IFFO2: variants seen among roughly 807,000 people sequenced by gnomAD.
The protein encoded by IFFO2 is intermediate filament family orphan 2.
Under a neutral mutation model 53.5 loss-of-function variants are expected in IFFO2, and 19 were observed. The observed-to-expected ratio is 0.36, with a 90% confidence interval of 0.25 to 0.52. The LOEUF (loss-of-function observed/expected upper bound fraction) is 0.52. Ranked by LOEUF, IFFO2 falls within the 20% of genes least tolerant of loss-of-function variation. The pLI, the probability that IFFO2 is intolerant of heterozygous loss-of-function variation, is 0.94. For synonymous variants in IFFO2, 303 were observed against 313.6 expected, an observed-to-expected ratio of 0.97 and a Z score of 0.36; for missense variants, 570 against 727.4, an observed-to-expected ratio of 0.78 and a Z score of 2.49.
At position 18,955,712 on chromosome 1, in the gene IFFO2, G is replaced by A; in HGVS notation, c.621C>T (p.Asn207=). 6.3e-7 allele frequency: 1 copy of A among 1,596,144 alleles called. No individual in the cohort carries two copies. Among genetic ancestry groups the A allele is most frequent in the Non-Finnish European group, 8.5e-7 (1 of 1,174,160 alleles). ...GCTCGCGCTTCACCTTGGCCAGCAC[G>A]TTGTAGAGCGCGCGGATCTCCGGCG... The part of the protein sequence containing the change: ...TITPEIRALY[N]VLAKVKRERD... The change falls in exon 1 of 9, where the codon AAC becomes AAT. Residue 207 remains asparagine, a synonymous_variant. Coordinates refer to ENST00000455833, the MANE Select transcript of IFFO2 (RefSeq NM_001136265.2).
Position 18,917,421 on chromosome 1 carries a change from C to T in IFFO2, c.964-379G>A, listed in dbSNP as rs940549761. ...TGGAGAACCCCTGACAAAGGCTATA[C>T]GGCCCCATGCTGACCAGAGCCCTCC... On this transcript the variant is annotated intron_variant, in intron 4 of 8. Coordinates refer to ENST00000455833, the MANE Select transcript of IFFO2 (RefSeq NM_001136265.2). This position sits in a 1 kb window ranked among gnomAD's most constrained non-coding sequence, Gnocchi z 5.9. 3.3e-5 allele frequency among the ~76,000 whole-genome samples: 5 copies of T among 152,178 alleles called. No homozygotes were observed. Among genetic ancestry groups the T allele is most frequent in the African/African-American group, 7.2e-5 (3 of 41,446 alleles).
In IFFO2 at chr1:18,956,003, C is replaced by T. The variant is rs1297801506; in HGVS notation, c.330G>A (p.Gly110=). The T allele has an allele frequency of 3.3e-5, 46 of 1,394,062 alleles. No homozygotes were observed. The highest frequency in any genetic ancestry group is 4.2e-5 in the Non-Finnish European group (44 of 1,058,364). The allele number at this position is 1,394,062 out of a possible 1,614,324, so 86.4% of individuals were successfully genotyped here. Residue 110 remains glycine, a synonymous_variant, in exon 1 of 9, where the codon GGG becomes GGA. Coordinates refer to ENST00000455833, the MANE Select transcript of IFFO2 (RefSeq NM_001136265.2). This position sits in a 1 kb window ranked among gnomAD's most constrained non-coding sequence, Gnocchi z 6.4. ...GCGCCGGGGGCCGCAGCAACTCGGG[C>T]CCGGTCTGCACGGCCTGCTCGCGGG... The part of the protein sequence containing the change: ...TFSREQAVQT[G]PELLRPPAPG...
In IFFO2 at chr1:18,906,381, T is replaced by A. The variant is rs1935948661; in HGVS notation, c.*2180A>T. ...AACACTGCTGCCTTACAGTCTTAAG[T>A]CTAAAGATATATCTGTCACCCTCCC... On this transcript the variant is annotated 3_prime_UTR_variant, in exon 9 of 9. Coordinates refer to ENST00000455833, the MANE Select transcript of IFFO2 (RefSeq NM_001136265.2). The A allele has an allele frequency of 6.6e-6, 1 of 152,194 alleles. No homozygotes were observed. Among genetic ancestry groups the A allele is most frequent in the African/African-American group, 2.4e-5 (1 of 41,428 alleles). 9.4% of individuals were successfully genotyped at this position (152,194 alleles called of 1,614,324 possible).
chr1:18,955,843 A>C lies in IFFO2; in HGVS notation c.490T>G (p.Tyr164Asp). ...YGRLPGTIWS[Y>D]TQVRRTGGGG... Reference sequence around the variant, plus strand: ...CCGCCCGTGCGCCGCACCTGCGTGTAGCTCCAGATGGTCCCGGGCAGGCGG... The same window carrying C: ...CCGCCCGTGCGCCGCACCTGCGTGTCGCTCCAGATGGTCCCGGGCAGGCGG... The change falls in exon 1 of 9, where the codon TAC (tyrosine) becomes GAC (aspartate). Residue 164 changes from tyrosine (Y) to aspartate (D), a missense_variant. Tyr to Asp is a radical substitution (Grantham distance 160). Transcript: ENST00000455833. The C allele has an allele frequency of 6.6e-7, 1 of 1,505,682 alleles. No individual in the cohort carries two copies. Among genetic ancestry groups the C allele is most frequent in the South Asian group, 1.2e-5 (1 of 81,058 alleles). 93.3% of individuals were successfully genotyped at this position (1,505,682 alleles called of 1,614,324 possible).
chr1:18,906,925 A>G lies in IFFO2; in HGVS notation c.*1636T>C, dbSNP rs1018437011. 2.0e-5 allele frequency: 3 copies of G among 152,184 alleles called. No individual in the cohort carries two copies. The highest frequency in any genetic ancestry group is 7.2e-5 in the African/African-American group (3 of 41,438). 9.4% of individuals were successfully genotyped at this position (152,184 alleles called of 1,614,324 possible). A position where few individuals can be genotyped will look rare whatever the true frequency, so the allele number is the denominator to read the frequency against. ...TCACGCTCTCTCTCTCTCTCTACAT[A>G]TATCTTTTATGTACAGTATTTTTAA... is the stretch of plus-strand genomic sequence containing the variant. On this transcript the variant is annotated 3_prime_UTR_variant, in exon 9 of 9. Coordinates refer to ENST00000455833, the MANE Select transcript of IFFO2 (RefSeq NM_001136265.2).
intron 1 of IFFO2, among the ~76,000 whole-genome samples, chr1:18,925,884 GA>G: frequency 2.4e-5 from 1 of 41,480 alleles, no homozygotes; most frequent in African/African-American, 1.0e-4. Context: ...TGGATGGATG[GA>G]TGGATGGATT....
At chr1:18,923,099 C>T (rs28689517) in intron 1 of IFFO2, among the ~76,000 whole-genome samples, 16,404 of 152,262 alleles carry the variant, frequency 0.11, 1,189 homozygotes, top group African/African-American at 0.2. Flanking sequence ...GGTGCAAGGG[C>T]GAGCCCCGGC....
rs1936143932 is a variant in IFFO2 at position 18,917,075 on chromosome 1, G to C, written c.964-33C>G. The C allele has an allele frequency of 1.9e-6, 3 of 1,550,622 alleles. No individual in the cohort carries two copies. The highest frequency in any genetic ancestry group is 2.6e-6 in the Non-Finnish European group (3 of 1,146,212). On this transcript the variant is annotated intron_variant, in intron 4 of 8. Coordinates refer to ENST00000455833, the MANE Select transcript of IFFO2 (RefSeq NM_001136265.2). The surrounding 1 kb of genome is among the most constrained non-coding windows in gnomAD (Gnocchi z 5.9). The stretch of plus-strand genomic sequence containing the variant: ...GGAAAGGAAGCAATCAAGGTAACTG[G>C]GGGGCTCGGCTAGGATGGAAGGTAG...
chr1:18,913,127 G>T (rs1936065218), intron 5 of IFFO2, among the ~76,000 whole-genome samples: 1 of 152,236 alleles, frequency 6.6e-6, no homozygotes, highest in Non-Finnish European at 1.5e-5. Flanking sequence ...ATCCTCCAGA[G>T]CAACAATGAG....
Position 18,956,156 on chromosome 1 carries a change from C to T in IFFO2, c.177G>A (p.Gly59=), listed in dbSNP as rs1936723821. 2.0e-6 allele frequency: 3 copies of T among 1,490,592 alleles called. No homozygotes were observed. Among genetic ancestry groups the T allele is most frequent in the South Asian group, 1.2e-5 (1 of 81,716 alleles). 92.3% of individuals were successfully genotyped at this position (1,490,592 alleles called of 1,614,324 possible). A position where few individuals can be genotyped will look rare whatever the true frequency, so the allele number is the denominator to read the frequency against. The part of the protein sequence containing the change: ...DLGSNIHLLK[G]LNVRFRCFLA... ...GGAAGCAGCGGAAGCGCACGTTGAG[C>T]CCCTTCAAGAGGTGGATGTTGGAGC... The change falls in exon 1 of 9, where the codon GGG becomes GGA. Residue 59 remains glycine (G), a synonymous_variant. Transcript: ENST00000455833. The surrounding 1 kb of genome is among the most constrained non-coding windows in gnomAD (Gnocchi z 6.4).
rs913758963 is a variant in IFFO2, at chr1:18,917,732, T to C, written c.963+630A>G. On this transcript the variant is annotated intron_variant, in intron 4 of 8. Transcript: ENST00000455833. This position sits in a 1 kb window ranked among gnomAD's most constrained non-coding sequence, Gnocchi z 5.9. ...AAGAAGCAGCCTTCGGAGAATGACA[T>C]GTGCCTCATTCGGCTGGACTGGCCC... Among the ~76,000 whole-genome samples, 5 of 151,908 alleles carry C rather than the reference T, an allele frequency of 3.3e-5. No homozygotes were observed. The East Asian group carries it at 9.9e-4, about 30-fold the overall frequency.
intron 1 of IFFO2, among the ~76,000 whole-genome samples, chr1:18,929,958 G>A (rs1487893224): frequency 6.6e-6 from 1 of 152,172 alleles, no homozygotes; most frequent in Non-Finnish European, 1.5e-5. Flanking sequence ...CCACAAAGCC[G>A]CCTGACAAAC....
At chr1:18,954,133 C>T (rs533343636) in intron 1 of IFFO2, among the ~76,000 whole-genome samples, 5 of 152,328 alleles carry the variant, frequency 3.3e-5, no homozygotes, top group Non-Finnish European at 5.9e-5. Context: ...GAGAGAAGCC[C>T]GTCTCCCAGT....
At position 18,956,063 on chromosome 1, in the gene IFFO2, G is replaced by A; in HGVS notation, c.270C>T (p.Ser90=). The change falls in exon 1 of 9, where the codon AGC becomes AGT. Residue 90 remains serine (S), a synonymous_variant. Coordinates refer to ENST00000455833, the MANE Select transcript of IFFO2 (RefSeq NM_001136265.2). This position sits in a 1 kb window ranked among gnomAD's most constrained non-coding sequence, Gnocchi z 6.4. Reference sequence around the variant, plus strand: ...TGTAGCGCAGCCGCCGCTCGCGCTCGCTCTGCTGCTGCTCCAGCTGCTTCT... The same window carrying A: ...TGTAGCGCAGCCGCCGCTCGCGCTCACTCTGCTGCTGCTCCAGCTGCTTCT... ...LLEKQLEQQQ[S]ERERRLRYKT... 1 of 1,478,064 alleles carries A rather than the reference G, an allele frequency of 6.8e-7. No individual in the cohort carries two copies. The highest frequency in any genetic ancestry group is 9.1e-7 in the Non-Finnish European group (1 of 1,101,882). 91.6% of individuals were successfully genotyped at this position (1,478,064 alleles called of 1,614,324 possible).
At chr1:18,911,882 A>T (rs1014484506) in intron 6 of IFFO2, 81 bp downstream of exon 6, 12 of 1,506,244 alleles carry the variant, frequency 8.0e-6, no homozygotes, top group Non-Finnish European at 1.1e-5. Flanking sequence ...GTAGAAAAAT[A>T]ACAGGGATGA....
chr1:18,931,655 T>C (rs1936376752), intron 1 of IFFO2, among the ~76,000 whole-genome samples: 1 of 152,200 alleles, frequency 6.6e-6, no homozygotes, highest in African/African-American at 2.4e-5. Flanking sequence ...TGCTAATCAT[T>C]CGACACCCAC....
At chr1:18,950,126 G>A (rs1283947136) in intron 1 of IFFO2, among the ~76,000 whole-genome samples, 3 of 152,208 alleles carry the variant, frequency 2.0e-5, no homozygotes, top group African/African-American at 7.2e-5. Context: ...AGGGCTGGGG[G>A]ATGGCGAGAG....
At chr1:18,911,644 T>C (rs1485099675) in intron 6 of IFFO2, among the ~76,000 whole-genome samples, 168 bp from the exon 7 acceptor site, 1 of 152,062 alleles carries the variant, frequency 6.6e-6, no homozygotes, top group Non-Finnish European at 1.5e-5. Context: ...ATTCAAGCGA[T>C]TCTCCTGCCT....
chr1:18,944,114 C>T lies in IFFO2; in HGVS notation c.665+11554G>A, dbSNP rs114589454. 2.5e-3 allele frequency among the ~76,000 whole-genome samples: 380 copies of T among 152,334 alleles called. 2 individuals are homozygous for T. The highest frequency in any genetic ancestry group is 8.7e-3 in the African/African-American group (360 of 41,576). On this transcript the variant is annotated intron_variant, in intron 1 of 8. Transcript: ENST00000455833. ...TGACCTCAAGGTAGCTGCTCTCCTT[C>T]GCTGGGCCTCAGTTTTCTCATCTAT...
Sources: gnomAD v4.1 joint callset for allele counts (sites outside exome capture counted in the v4.1 genomes callset) on GRCh38, gnomAD v4.1.1 for gene constraint, Gnocchi (gnomAD v3.1) non-coding constraint, MANE v1.5 for transcripts, NCBI Gene and HGNC (gene_info 2026-07-23, HGNC 2026-07-21) for gene names.